The following TBX5 variants were observed in gnomAD, a reference collection of about 807,000 sequenced individuals.
The protein encoded by TBX5 is T-box transcription factor TBX5.
In TBX5, 8 loss-of-function variants were observed where a neutral mutation model predicts 51.1. The observed-to-expected ratio is 0.16, with a 90% confidence interval of 0.09 to 0.28. The LOEUF (loss-of-function observed/expected upper bound fraction) is 0.28, where lower values mean the gene tolerates loss of function less well. Ranked by LOEUF, TBX5 falls within the 10% of genes least tolerant of loss-of-function variation. The pLI, the probability that TBX5 is intolerant of heterozygous loss-of-function variation, is 1.00. For synonymous variants in TBX5, 302 were observed against 266.4 expected, an observed-to-expected ratio of 1.13 and a Z score of -1.30; for missense variants, 589 against 671.7, an observed-to-expected ratio of 0.88 and a Z score of 1.36.
chr12:114,402,996 G>T (rs1871923682), intron 2 of TBX5, among the ~76,000 whole-genome samples: 1 of 152,182 alleles, frequency 6.6e-6, no homozygotes, highest in East Asian at 2.0e-4. Flanking sequence ...TCGTCACCCC[G>T]TTTCACCCCA....
At chr12:114,386,099 G>A (rs1318489068) in intron 6 of TBX5, among the ~76,000 whole-genome samples, 15 of 152,028 alleles carry the variant, frequency 9.9e-5, no homozygotes, top group Admixed American at 9.8e-4. Flanking sequence ...TCCTAGTTCT[G>A]GTGGAAAATG....
At position 114,403,687 on chromosome 12, in the gene TBX5, G is replaced by A. The variant is rs962727894; in HGVS notation, c.147+65C>T. Reference sequence around the variant, plus strand: ...TTGTTCTGTCCCCGCAAGAGAAGCCGAGCAGGAAAGCCAGACTCTGACTTT... The same window carrying A: ...TTGTTCTGTCCCCGCAAGAGAAGCCAAGCAGGAAAGCCAGACTCTGACTTT... On this transcript the variant is annotated intron_variant, in intron 2 of 8. Transcript: ENST00000405440. 7.6e-6 allele frequency: 12 copies of A among 1,586,074 alleles called. No homozygotes were observed. The African/African-American group carries it at 9.4e-5, about 12-fold the overall frequency.
intron 7 of TBX5, among the ~76,000 whole-genome samples, chr12:114,370,384 G>A (rs546872379): frequency 6.6e-6 from 1 of 152,162 alleles, no homozygotes; most frequent in African/African-American, 2.4e-5. Flanking sequence ...GAGAGGTCAA[G>A]TGACTTGTCC....
intron 8 of TBX5, among the ~76,000 whole-genome samples, chr12:114,359,707 G>A (rs941670932): frequency 6.6e-6 from 1 of 152,220 alleles, no homozygotes; most frequent in African/African-American, 2.4e-5. Flanking sequence ...CCAAGGCACA[G>A]ATATTAAGGC....
chr12:114,398,946 C>T (rs1871613854), intron 4 of TBX5, among the ~76,000 whole-genome samples: 1 of 152,170 alleles, frequency 6.6e-6, no homozygotes. Context: ...TTCTTACAGC[C>T]TCTCGCATCC....
At chr12:114,401,777 C>T (rs749023512) in intron 3 of TBX5, 49 bp downstream of exon 3, 1 of 1,577,832 alleles carries the variant, frequency 6.3e-7, no homozygotes, top group Non-Finnish European at 8.7e-7. Context: ...TTCTTCACCT[C>T]TCCCACAATT....
chr12:114,407,087 A>G, upstream of TBX5: 1 of 985,300 alleles, frequency 1.0e-6, no homozygotes, highest in Non-Finnish European at 1.2e-6. Context: ...TGGAGGGAGG[A>G]GAAATGCCCC....
At chr12:114,383,734 G>C (rs937174072) in intron 7 of TBX5, among the ~76,000 whole-genome samples, 1 of 152,166 alleles carries the variant, frequency 6.6e-6, no homozygotes, top group African/African-American at 2.4e-5. Flanking sequence ...GTGGTAACTG[G>C]TAAAGTTTGA....
Position 114,377,867 on chromosome 12 carries a change from G to T in TBX5, c.755+7609C>A, listed in dbSNP as rs182967843. On this transcript the variant is annotated intron_variant, in intron 7 of 8. Coordinates refer to ENST00000405440, the MANE Select transcript of TBX5 (RefSeq NM_181486.4). ...TAAAAATAAGCACCCACAGAGGCGG[G>T]TGAGGTTGGTCAGTTCCCAATGTGG... Among the ~76,000 whole-genome samples the T allele has an allele frequency of 2.6e-5, 4 of 152,266 alleles. No homozygotes were observed. In the East Asian group the frequency reaches 7.7e-4, roughly 29 times the overall value.
chr12:114,391,329 T>A (rs776408282), intron 6 of TBX5, among the ~76,000 whole-genome samples: 1 of 152,200 alleles, frequency 6.6e-6, no homozygotes, highest in Non-Finnish European at 1.5e-5. Flanking sequence ...TTATTTAAAT[T>A]CCCAGTCTTT....
chr12:114,378,947 T>C (rs749882192), intron 7 of TBX5, among the ~76,000 whole-genome samples: 2 of 152,180 alleles, frequency 1.3e-5, no homozygotes, highest in Non-Finnish European at 2.9e-5. Context: ...CAAGGTGCAG[T>C]CAGCAAGGAC....
chr12:114,360,791 T>A (rs532601119), intron 8 of TBX5, among the ~76,000 whole-genome samples: 2 of 152,074 alleles, frequency 1.3e-5, no homozygotes, highest in South Asian at 4.2e-4. Context: ...GGTGGATGAC[T>A]TTTTGTTGTT....
At chr12:114,391,617 AAGTCAGAT>A (rs1266988270) in intron 6 of TBX5, among the ~76,000 whole-genome samples, 1 of 152,168 alleles carries the variant, frequency 6.6e-6, no homozygotes, top group African/African-American at 2.4e-5. Context: ...CATTTGCCCA[AAGTCAGAT>A]AGGTTTGAAC....
chr12:114,374,550 A>G (rs1415320883), intron 7 of TBX5, among the ~76,000 whole-genome samples: 1 of 152,162 alleles, frequency 6.6e-6, no homozygotes, highest in African/African-American at 2.4e-5. Context: ...GACAAAACTA[A>G]CCTATAGTGA....
At chr12:114,400,514 G>C (rs980593956) in intron 3 of TBX5, among the ~76,000 whole-genome samples, 3 of 152,242 alleles carry the variant, frequency 2.0e-5, no homozygotes, top group African/African-American at 7.2e-5. Context: ...GGCCCGGGGC[G>C]AAAAGACAAG....
At chr12:114,389,194 C>CT (rs1324510303) in intron 6 of TBX5, among the ~76,000 whole-genome samples, 1 of 151,976 alleles carries the variant, frequency 6.6e-6, no homozygotes, top group East Asian at 2.0e-4. Context: ...TCCCAAAGTG[C>CT]TAGGATTACA....
chr12:114,367,121 C>T (rs531633251), intron 7 of TBX5, among the ~76,000 whole-genome samples: 3 of 150,808 alleles, frequency 2.0e-5, no homozygotes, highest in South Asian at 4.2e-4. Context: ...TGGCAACCAT[C>T]GTCATTACTG....
chr12:114,394,013 G>A (rs1278416208), intron 6 of TBX5, among the ~76,000 whole-genome samples: 2 of 152,220 alleles, frequency 1.3e-5, no homozygotes, highest in African/African-American at 4.8e-5. Context: ...GCTGTTGCCA[G>A]TTGAGTGGCA....
rs1392608347 is a variant in TBX5, at chr12:114,354,362, T to C, written c.*1170A>G. On this transcript the variant is annotated 3_prime_UTR_variant, in exon 9 of 9. Coordinates refer to ENST00000405440, the MANE Select transcript of TBX5 (RefSeq NM_181486.4). ...GTAAAATATTACATCTGAAGAACCC[T>C]ACCATAACACTTTACTTACACACTT... 1 of 152,232 alleles carries C rather than the reference T, an allele frequency of 6.6e-6. No homozygotes were observed. Among genetic ancestry groups the C allele is most frequent in the Non-Finnish European group, 1.5e-5 (1 of 68,040 alleles). The allele number at this position is 152,232 out of a possible 1,614,324, so 9.4% of individuals were successfully genotyped here.
Sources: gnomAD v4.1 joint callset for allele counts (sites outside exome capture counted in the v4.1 genomes callset) on GRCh38, gnomAD v4.1.1 for gene constraint, MANE v1.5 for transcripts, NCBI Gene and HGNC (gene_info 2026-07-23, HGNC 2026-07-21) for gene names.